DMD: variants seen among roughly 807,000 people sequenced by gnomAD.
The protein encoded by DMD is mutant dystrophin.
Under a neutral mutation model 330.1 loss-of-function variants are expected in DMD, and 63 were observed. That is an observed-to-expected ratio of 0.19 (90% CI 0.16 to 0.24). The LOEUF is 0.24. DMD is among the 10% of genes least tolerant of loss of function. DMD has a pLI of 1.00. For synonymous variants in DMD, 1,223 were observed against 959.8 expected (o/e 1.27, Z -5.07); for missense variants, 3,344 against 2,684.1 (o/e 1.25, Z -5.43).
intron 5 of DMD, among the ~76,000 whole-genome samples, chrX:32,820,062 C>T (rs1372433382): frequency 9.0e-6 from 1 of 111,285 alleles, no homozygotes. Context: ...AAACAACAGG[C>T]TATAAGAGAG....
chrX:32,322,456 A>C (rs1441591139), intron 41 of DMD, among the ~76,000 whole-genome samples: 1 of 110,825 alleles, frequency 9.0e-6, no homozygotes. Flanking sequence ...CCAGCCACTA[A>C]AGAGGCTGAG....
At chrX:32,605,319 T>G (rs941612463) in intron 12 of DMD, among the ~76,000 whole-genome samples, 2 of 110,638 alleles carry the variant, frequency 1.8e-5, no homozygotes, top group Non-Finnish European at 3.8e-5. Flanking sequence ...GACATCCTAT[T>G]CAGTAAATTG....
intron 41 of DMD, among the ~76,000 whole-genome samples, chrX:32,335,249 T>C (rs906323483): frequency 9.2e-6 from 1 of 109,124 alleles, no homozygotes; most frequent in Admixed American, 1.0e-4. Flanking sequence ...TTGCCCAGGC[T>C]GTAGTGCAGT....
rs752078054 is a variant in DMD at position 32,775,343 on chromosome X, G to C, written c.649+34150C>G. 5.9e-4 allele frequency among the ~76,000 whole-genome samples: 66 copies of C among 112,525 alleles called. No individual in the cohort carries two copies. The South Asian group carries it at 8.7e-3, about 15-fold the overall frequency. The stretch of plus-strand genomic sequence containing the variant: ...AGTGCCCCAGTGAGGACTCTGTGGT[G>C]GGGGGAAGGGCTCCAACCCCACATT... On this transcript the variant is annotated intron_variant, in intron 7 of 78. Transcript: ENST00000357033.
rs6631729 is a variant in DMD, at chrX:33,051,766, A to G, written c.32-31566T>C. On this transcript the variant is annotated intron_variant, in intron 1 of 78. Coordinates refer to ENST00000357033, the MANE Select transcript of DMD (RefSeq NM_004006.3). ...TGGGTTCAAGCAACTCTCCTGCCTC[A>G]GCCTCCCAAGAAGTTGGGACTACAG... 2.0e-3 allele frequency among the ~76,000 whole-genome samples: 215 copies of G among 105,216 alleles called. 3 individuals are homozygous for G. The East Asian group carries it at 0.05, about 24-fold the overall frequency. 91.4% of individuals were successfully genotyped at this position (105,216 alleles called of 115,157 possible). A position where few individuals can be genotyped will look rare whatever the true frequency, so the allele number is the denominator to read the frequency against.
chrX:31,649,624 G>A (rs1488522316), intron 54 of DMD, among the ~76,000 whole-genome samples: 1 of 108,994 alleles, frequency 9.2e-6, no homozygotes, highest in African/African-American at 3.4e-5. Context: ...TGTCGCCCAG[G>A]CTGTAGTGCA....
chrX:32,048,539 C>T (rs2096080490), intron 44 of DMD, among the ~76,000 whole-genome samples: 1 of 110,032 alleles, frequency 9.1e-6, no homozygotes, highest in African/African-American at 3.3e-5. Flanking sequence ...GGTCTCTGCT[C>T]AGATGTCACA....
intron 60 of DMD, among the ~76,000 whole-genome samples, chrX:31,354,444 G>A (rs975328819): frequency 2.7e-5 from 3 of 109,284 alleles, no homozygotes; most frequent in Non-Finnish European, 5.7e-5. Context: ...GTAAAAAAAA[G>A]AAAAGAAGAA....
chrX:33,009,655 TAC>T lies in DMD; in HGVS notation c.93+10482_93+10483del, dbSNP rs1491079762. The stretch of plus-strand genomic sequence containing the variant: ...ATGTGTATATACACATATGTGTGTA[TAC>T]GTGTATATGTGTATACGTATATGTG... On this transcript the variant is annotated intron_variant, in intron 2 of 78. Transcript: ENST00000357033. Among the ~76,000 whole-genome samples the T allele has an allele frequency of 1.0e-4, 4 of 39,516 alleles. 2 individuals carry two copies. The highest frequency in any genetic ancestry group is 3.1e-3 in the East Asian group (2 of 654). The allele number at this position is 39,516 out of a possible 115,157, so 34.3% of individuals were successfully genotyped here.
chrX:32,431,364 T>C (rs2098237504), intron 29 of DMD, among the ~76,000 whole-genome samples: 3 of 111,838 alleles, frequency 2.7e-5, no homozygotes, highest in African/African-American at 6.5e-5. Context: ...CATATGTAGG[T>C]CTTCATTGAA....
chrX:32,489,045 T>C (rs1003783060), intron 20 of DMD, among the ~76,000 whole-genome samples: 2 of 111,425 alleles, frequency 1.8e-5, no homozygotes. Context: ...TCAGGTTCGT[T>C]TTTCCCTGTT....
At chrX:33,080,667 G>A (rs1193398157) in intron 1 of DMD, among the ~76,000 whole-genome samples, 1 of 111,168 alleles carries the variant, frequency 9.0e-6, no homozygotes, top group East Asian at 2.8e-4. Flanking sequence ...AGCTCTCCAC[G>A]TGTCCCCAGG....
At chrX:32,605,652 T>C (rs2056630787) in intron 12 of DMD, among the ~76,000 whole-genome samples, 1 of 110,449 alleles carries the variant, frequency 9.1e-6, no homozygotes, top group Non-Finnish European at 1.9e-5. Context: ...GAACTATACA[T>C]CTAACAAAAA....
intron 62 of DMD, among the ~76,000 whole-genome samples, chrX:31,288,946 C>T (rs1262178120): frequency 9.0e-6 from 1 of 110,617 alleles, no homozygotes; most frequent in African/African-American, 3.3e-5. Context: ...TATTAACCCT[C>T]TCTGTCAACA....
At chrX:31,716,278 G>A (rs1477025097) in intron 52 of DMD, among the ~76,000 whole-genome samples, 5 of 112,595 alleles carry the variant, frequency 4.4e-5, no homozygotes, top group Non-Finnish European at 9.4e-5. Flanking sequence ...GCGGCCAGGA[G>A]CCGTGGCTCA....
intron 63 of DMD, among the ~76,000 whole-genome samples, chrX:31,232,079 G>GT (rs1158424195): frequency 2.9e-5 from 1 of 35,067 alleles, no homozygotes; most frequent in Non-Finnish European, 4.5e-5. Flanking sequence ...GTCAGCACAT[G>GT]TTAAAAAAAA....
intron 7 of DMD, among the ~76,000 whole-genome samples, chrX:32,764,967 T>A (rs1395840497): frequency 3.7e-5 from 4 of 108,911 alleles, no homozygotes; most frequent in African/African-American, 1.3e-4. Context: ...GTTTTTTTTT[T>A]TTTTTTTGGT....
chrX:31,284,855 CACACA>C (rs1569517125), intron 62 of DMD, among the ~76,000 whole-genome samples: 28 of 107,854 alleles, frequency 2.6e-4, no homozygotes, highest in African/African-American at 9.3e-4. Flanking sequence ...CACACACACA[CACACA>C]CACCCACACC....
chrX:32,099,005 T>A (rs773064092), intron 44 of DMD, among the ~76,000 whole-genome samples: 67 of 112,167 alleles, frequency 6.0e-4, no homozygotes, highest in Non-Finnish European at 1.1e-3. Context: ...TGTTGAGGGC[T>A]TAGGCCTTTA....
Sources: gnomAD v4.1 joint callset for allele counts (sites outside exome capture counted in the v4.1 genomes callset) on GRCh38, gnomAD v4.1.1 for gene constraint, MANE v1.5 for transcripts, NCBI Gene and HGNC (gene_info 2026-07-23, HGNC 2026-07-21) for gene names.